The following ADAMTS12 variants were observed in gnomAD, a reference collection of about 807,000 sequenced individuals.
ADAMTS12 encodes the protein A disintegrin and metalloproteinase with thrombospondin motifs 12.
ADAMTS12 carries 118 observed loss-of-function variants against 167.8 expected under a neutral mutation model. That is an observed-to-expected ratio of 0.70 (90% CI 0.61 to 0.82). The LOEUF is 0.82. Among genes scored for constraint, ADAMTS12 ranks in the 40% least tolerant of loss-of-function variants. The pLI is 0.00. For synonymous variants in ADAMTS12, 704 were observed against 716.9 expected (o/e 0.98, Z 0.29); for missense variants, 1,916 against 1,998.8 (o/e 0.96, Z 0.79).
intron 3 of ADAMTS12, among the ~76,000 whole-genome samples, chr5:33,692,335 G>C (rs1476452064): frequency 6.6e-6 from 1 of 152,164 alleles, no homozygotes; most frequent in Non-Finnish European, 1.5e-5. Flanking sequence ...GAAGAAGATG[G>C]AATAATATAG....
At position 33,746,465 on chromosome 5, in the gene ADAMTS12, C is replaced by T. The variant is rs115998540; in HGVS notation, c.634+4939G>A. On this transcript the variant is annotated intron_variant, in intron 3 of 23. Transcript: ENST00000504830. ...TTTTTAAAAAGCATCTCACAATTTCCGAATGTCTTAAATAAGAAGTTTACT... is the reference window on the plus strand; with the variant it reads ...TTTTTAAAAAGCATCTCACAATTTCTGAATGTCTTAAATAAGAAGTTTACT... Among the ~76,000 whole-genome samples the T allele has an allele frequency of 6.4e-3, 975 of 152,128 alleles. 11 individuals are homozygous for T. The highest frequency in any genetic ancestry group is 0.023 in the African/African-American group (938 of 41,514).
At chr5:33,782,890 A>G (rs760653711) in intron 2 of ADAMTS12, among the ~76,000 whole-genome samples, 1 of 152,068 alleles carries the variant, frequency 6.6e-6, no homozygotes, top group African/African-American at 2.4e-5. Flanking sequence ...ACAAAAATCA[A>G]GAAGGATTTA....
At chr5:33,814,275 T>C (rs1747568222) in intron 2 of ADAMTS12, among the ~76,000 whole-genome samples, 1 of 152,200 alleles carries the variant, frequency 6.6e-6, no homozygotes, top group South Asian at 2.1e-4. Flanking sequence ...GCTTATGATA[T>C]GAGATAGAGG....
intron 2 of ADAMTS12, among the ~76,000 whole-genome samples, chr5:33,834,680 A>G (rs1231095904): frequency 6.6e-6 from 1 of 152,190 alleles, no homozygotes; most frequent in Non-Finnish European, 1.5e-5. Context: ...ACCATCCCAT[A>G]CACATACCTT....
At chr5:33,648,236 T>A (rs2112189117) in intron 9 of ADAMTS12, among the ~76,000 whole-genome samples, 1 of 152,252 alleles carries the variant, frequency 6.6e-6, no homozygotes, top group East Asian at 1.9e-4. Flanking sequence ...TTTTAAAAAA[T>A]AACTTGAGCA....
intron 5 of ADAMTS12, among the ~76,000 whole-genome samples, chr5:33,680,376 G>A (rs1041393386): frequency 2.6e-5 from 4 of 152,178 alleles, no homozygotes; most frequent in Non-Finnish European, 4.4e-5. Context: ...GGCCTGATCC[G>A]TGGAAGCCAC....
chr5:33,732,916 T>C (rs1744241600), intron 3 of ADAMTS12, among the ~76,000 whole-genome samples: 1 of 152,000 alleles, frequency 6.6e-6, no homozygotes, highest in Non-Finnish European at 1.5e-5. Context: ...AAGCTTTAAG[T>C]GATCCTTAAA....
chr5:33,637,639 CT>C lies in ADAMTS12; in HGVS notation c.1825del (p.Ser609ValfsTer32). 6.2e-7 allele frequency: 1 copy of C among 1,613,754 alleles called. No individual in the cohort carries two copies. The highest frequency in any genetic ancestry group is 8.5e-7 in the Non-Finnish European group (1 of 1,179,726). On this transcript the variant is annotated frameshift_variant, in exon 12 of 24. Transcript: ENST00000504830. LOFTEE classifies it high-confidence loss of function. Reference protein sequence around the residue: ...EAPTFRQMQCSEFDTVPYKNE... With the variant: ...EAPTFRQMQCXEFDTVPYKNE... ...CTTGTAGGGAACAGTGTCAAATTCA[CT>C]GCACTGCATCTGCCGAAATGTTGGT...
At chr5:33,694,213 A>C (rs1007655463) in intron 3 of ADAMTS12, among the ~76,000 whole-genome samples, 1 of 152,254 alleles carries the variant, frequency 6.6e-6, no homozygotes, top group Non-Finnish European at 1.5e-5. Flanking sequence ...CAATATTCTT[A>C]AAATGGTCAT....
At chr5:33,612,856 T>TG (rs1738796000) in intron 16 of ADAMTS12, among the ~76,000 whole-genome samples, 1 of 152,212 alleles carries the variant, frequency 6.6e-6, no homozygotes, top group Admixed American at 6.5e-5. Context: ...CCTTTGACCT[T>TG]GATAGATTTC....
In ADAMTS12 at chr5:33,857,140, G is replaced by A. The variant is rs534077252; in HGVS notation, c.489+23979C>T. 2.2e-4 allele frequency among the ~76,000 whole-genome samples: 34 copies of A among 152,330 alleles called. No homozygotes were observed. In the South Asian group the frequency reaches 5.2e-3, roughly 23 times the overall value. On this transcript the variant is annotated intron_variant, in intron 2 of 23. Transcript: ENST00000504830. ...CATAGGTGGACCTGGAGAATGCCAC[G>A]TTAAGTGAAGTAAGGCAGCTGCAGA...
intron 16 of ADAMTS12, among the ~76,000 whole-genome samples, chr5:33,604,518 A>G (rs943839663): frequency 6.8e-6 from 1 of 146,324 alleles, no homozygotes; most frequent in Non-Finnish European, 1.5e-5. Flanking sequence ...AAAAAAAAAG[A>G]AAAGAAAAGA....
chr5:33,868,809 T>G (rs1749924456), intron 2 of ADAMTS12, among the ~76,000 whole-genome samples: 1 of 152,226 alleles, frequency 6.6e-6, no homozygotes, highest in Non-Finnish European at 1.5e-5. Context: ...CAGCTATCAT[T>G]AGTGTCAGTG....
At chr5:33,842,688 C>A (rs972569240) in intron 2 of ADAMTS12, among the ~76,000 whole-genome samples, 9 of 152,168 alleles carry the variant, frequency 5.9e-5, no homozygotes, top group African/African-American at 2.2e-4. Flanking sequence ...GGCACTGGGA[C>A]AGTCTCTCCA....
intron 2 of ADAMTS12, among the ~76,000 whole-genome samples, chr5:33,817,823 T>A (rs1428365093): frequency 1.3e-5 from 2 of 152,202 alleles, no homozygotes; most frequent in African/African-American, 4.8e-5. Context: ...TCTCATTTTT[T>A]AAAATATGTG....
At chr5:33,720,266 C>T (rs1410895966) in intron 3 of ADAMTS12, among the ~76,000 whole-genome samples, 3 of 103,846 alleles carry the variant, frequency 2.9e-5, no homozygotes, top group African/African-American at 1.1e-4. Context: ...TCCATTCACC[C>T]CTCTCTCTCT....
At chr5:33,627,269 T>G (rs1373244184) in intron 13 of ADAMTS12, among the ~76,000 whole-genome samples, 3 of 142,592 alleles carry the variant, frequency 2.1e-5, no homozygotes, top group African/African-American at 7.9e-5. Flanking sequence ...GAGGTAGAGG[T>G]AGTGGTGGTT....
intron 7 of ADAMTS12, among the ~76,000 whole-genome samples, chr5:33,656,074 T>C (rs1741050511): frequency 6.6e-6 from 1 of 152,176 alleles, no homozygotes. Context: ...TTTTCCTGCA[T>C]AATTTGAAAT....
At chr5:33,812,164 C>T (rs367586164) in intron 2 of ADAMTS12, among the ~76,000 whole-genome samples, 1 of 152,096 alleles carries the variant, frequency 6.6e-6, no homozygotes, top group Admixed American at 6.6e-5. Flanking sequence ...TGATATGTGC[C>T]TGTGGTCCCA....
Sources: allele counts gnomAD v4.1 joint callset (sites outside exome capture counted in the v4.1 genomes callset), GRCh38; gene constraint gnomAD v4.1.1; transcripts MANE v1.5; gene names NCBI Gene and HGNC (gene_info 2026-07-23, HGNC 2026-07-21).